GPC5: variants seen among roughly 807,000 people sequenced by gnomAD.
GPC5 encodes the protein glypican-5.
A neutral mutation model predicts 53.9 loss-of-function variants in GPC5; 47 were observed. That is an observed-to-expected ratio of 0.87 (90% CI 0.69 to 1.11). The LOEUF (loss-of-function observed/expected upper bound fraction) is 1.11. Ranked by LOEUF, GPC5 falls within the 50% of genes most tolerant of loss-of-function variation. The pLI is 0.00. For synonymous variants in GPC5, 286 were observed against 263.3 expected (o/e 1.09, Z -0.84); for missense variants, 748 against 713.1 (o/e 1.05, Z -0.56).
chr13:92,574,512 A>T (rs896385974), intron 7 of GPC5, among the ~76,000 whole-genome samples: 2 of 152,190 alleles, frequency 1.3e-5, no homozygotes, highest in African/African-American at 4.8e-5. Context: ...CTATCAGAAA[A>T]ATATTCATCA....
At chr13:91,856,107 G>A (rs2038964138) in intron 5 of GPC5, among the ~76,000 whole-genome samples, 1 of 151,378 alleles carries the variant, frequency 6.6e-6, no homozygotes, top group Admixed American at 6.6e-5. Context: ...TTCATGTTGT[G>A]TGTATTGATA....
intron 5 of GPC5, among the ~76,000 whole-genome samples, chr13:91,782,887 C>CTTTT (rs1444869883): frequency 6.6e-6 from 1 of 150,432 alleles, no homozygotes; most frequent in Non-Finnish European, 1.5e-5. Context: ...TTAAGGAAAG[C>CTTTT]ATCACACAGA....
intron 2 of GPC5, among the ~76,000 whole-genome samples, chr13:91,478,116 T>G (rs891693565): frequency 2.0e-5 from 3 of 152,166 alleles, no homozygotes; most frequent in Non-Finnish European, 2.9e-5. Flanking sequence ...GTTTTTTTTT[T>G]GTTTTGCTTC....
intron 7 of GPC5, among the ~76,000 whole-genome samples, chr13:92,213,646 A>G (rs1594002211): frequency 6.6e-6 from 1 of 152,312 alleles, no homozygotes; most frequent in Non-Finnish European, 1.5e-5. Flanking sequence ...ATAATCTGTG[A>G]CATTCCAAAA....
chr13:92,387,847 A>G (rs569005533), intron 7 of GPC5, among the ~76,000 whole-genome samples: 27 of 152,236 alleles, frequency 1.8e-4, no homozygotes, highest in African/African-American at 5.8e-4. Context: ...TGTTTTGAAA[A>G]TTAATTAAGA....
At chr13:91,461,174 C>T (rs368736396) in intron 2 of GPC5, among the ~76,000 whole-genome samples, 4 of 152,130 alleles carry the variant, frequency 2.6e-5, no homozygotes, top group Non-Finnish European at 5.9e-5. Flanking sequence ...GATAATCGAA[C>T]TTTTGCACCT....
rs1045448986 is a variant in GPC5 at position 92,646,914 on chromosome 13, G to A, written c.1562-219368G>A. Among the ~76,000 whole-genome samples the A allele has an allele frequency of 2.0e-3, 272 of 133,664 alleles. 1 individual carries two copies. In the Middle Eastern group the frequency reaches 0.025, roughly 12 times the overall value. 87.7% of individuals were successfully genotyped at this position (133,664 alleles called of 152,430 possible). ...TATGTAAATATCTAAACATATATAT[G>A]TAAATATATATAAACATGTGTGTGT... is the stretch of plus-strand genomic sequence containing the variant. On this transcript the variant is annotated intron_variant, in intron 7 of 7. Transcript: ENST00000377067.
At chr13:92,159,588 A>G (rs1387519001) in intron 7 of GPC5, among the ~76,000 whole-genome samples, 1 of 114,588 alleles carries the variant, frequency 8.7e-6, no homozygotes, top group East Asian at 2.5e-4. Flanking sequence ...ACTAATACCA[A>G]TGTTCTTTTT....
chr13:92,772,294 A>G (rs1875643444), intron 7 of GPC5, among the ~76,000 whole-genome samples: 1 of 152,164 alleles, frequency 6.6e-6, no homozygotes, highest in Admixed American at 6.5e-5. Context: ...TTCCAACGTC[A>G]TCTCACTTTA....
intron 7 of GPC5, among the ~76,000 whole-genome samples, chr13:92,494,480 A>G (rs971074499): frequency 6.6e-6 from 1 of 152,200 alleles, no homozygotes; most frequent in Non-Finnish European, 1.5e-5. Context: ...GTGCTTTGCT[A>G]TTATTCCCAG....
At chr13:91,409,411 A>G (rs1010103015) in intron 1 of GPC5, among the ~76,000 whole-genome samples, 8 of 152,218 alleles carry the variant, frequency 5.3e-5, no homozygotes, top group African/African-American at 1.7e-4. Flanking sequence ...CTGTGTTTGT[A>G]TTGTTAAGAG....
chr13:92,547,209 A>G (rs965348364), intron 7 of GPC5, among the ~76,000 whole-genome samples: 12 of 152,246 alleles, frequency 7.9e-5, no homozygotes, highest in Non-Finnish European at 1.5e-4. Context: ...AATGTTAGTG[A>G]AAATGAATTT....
chr13:91,595,747 C>T (rs552163425), intron 2 of GPC5, among the ~76,000 whole-genome samples: 1 of 152,314 alleles, frequency 6.6e-6, no homozygotes, highest in African/African-American at 2.4e-5. Flanking sequence ...CTCTTCTTTA[C>T]AGCAAAAGAC....
chr13:91,539,849 A>C (rs957113242), intron 2 of GPC5, among the ~76,000 whole-genome samples: 5 of 152,292 alleles, frequency 3.3e-5, no homozygotes, highest in Admixed American at 6.5e-5. Flanking sequence ...CAAATTTAAA[A>C]ATAAAAATAA....
chr13:92,750,770 C>A (rs1228099929), intron 7 of GPC5, among the ~76,000 whole-genome samples: 1 of 152,134 alleles, frequency 6.6e-6, no homozygotes, highest in African/African-American at 2.4e-5. Context: ...CAAAACAATG[C>A]AAAGGCTGCG....
intron 6 of GPC5, among the ~76,000 whole-genome samples, chr13:91,908,961 C>G (rs1446809396): frequency 6.6e-6 from 1 of 152,036 alleles, no homozygotes; most frequent in African/African-American, 2.4e-5. Flanking sequence ...CATAATTGTT[C>G]TGCAAAGACA....
chr13:92,248,571 T>C (rs1245672283), intron 7 of GPC5, among the ~76,000 whole-genome samples: 1 of 152,174 alleles, frequency 6.6e-6, no homozygotes, highest in African/African-American at 2.4e-5. Flanking sequence ...AGAAAATGTA[T>C]GTAAAGGCTT....
At chr13:92,647,707 A>T (rs565417756) in intron 7 of GPC5, among the ~76,000 whole-genome samples, 37 of 152,286 alleles carry the variant, frequency 2.4e-4, no homozygotes, top group Non-Finnish European at 2.8e-4. Context: ...AAATATTCTG[A>T]AGAGACATTT....
At chr13:92,572,560 A>AGGG (rs1229176901) in intron 7 of GPC5, among the ~76,000 whole-genome samples, 1 of 152,182 alleles carries the variant, frequency 6.6e-6, no homozygotes, top group Non-Finnish European at 1.5e-5. Context: ...TAGGCAAAAA[A>AGGG]GGGGGTTTCT....
Sources: gnomAD v4.1 joint callset for allele counts (sites outside exome capture counted in the v4.1 genomes callset) on GRCh38, gnomAD v4.1.1 for gene constraint, MANE v1.5 for transcripts, NCBI Gene and HGNC (gene_info 2026-07-23, HGNC 2026-07-21) for gene names.